The following DCLK3 variants were observed in gnomAD, a reference collection of about 807,000 sequenced individuals.
The protein encoded by DCLK3 is serine/threonine-protein kinase DCLK3.
In DCLK3, 30 loss-of-function variants were observed where a neutral mutation model predicts 46.4. The observed-to-expected ratio is 0.65, with a 90% CI of 0.48 to 0.88. DCLK3 has a LOEUF of 0.88. DCLK3 is among the 40% of genes least tolerant of loss of function. The probability of loss-of-function intolerance (pLI) is 0.00; values close to 1 mark genes in which losing one functional copy is unlikely to be tolerated. For missense variants in DCLK3, 846 were observed against 907.1 expected (o/e 0.93, Z 0.87); for synonymous variants, 401 against 339.2 (o/e 1.18, Z -2.00).
At position 36,738,100 on chromosome 3, in the gene DCLK3, G is replaced by T; in HGVS notation, c.1067C>A (p.Pro356His). The change falls in exon 2 of 5, where the codon CCC becomes CAC. Residue 356 changes from proline (P) to histidine (H), a missense_variant. By Grantham distance (77) the Pro-to-His change is moderately conservative (BLOSUM62 -2). Transcript: ENST00000636136. ...LVRTRSCRRSPEANPASGEEG... is the reference protein window; with the variant it reads ...LVRTRSCRRSHEANPASGEEG... ...CTCCCCACTTGCAGGATTTGCCTCG[G>T]GAGACCTCCTGCAGCTTCTGGTCCT... is the stretch of plus-strand genomic sequence containing the variant. The T allele has an allele frequency of 1.2e-6, 2 of 1,613,590 alleles. No individual in the cohort carries two copies. The highest frequency in any genetic ancestry group is 8.5e-7 in the Non-Finnish European group (1 of 1,179,808).
At chr3:36,746,236 C>A (rs1448023407) in intron 1 of DCLK3, among the ~76,000 whole-genome samples, 1 of 152,214 alleles carries the variant, frequency 6.6e-6, no homozygotes, top group Non-Finnish European at 1.5e-5. Context: ...GCTCAGAACT[C>A]TGTATGGTCT....
intron 1 of DCLK3, among the ~76,000 whole-genome samples, chr3:36,756,952 C>T (rs1003665292): frequency 2.6e-5 from 4 of 151,446 alleles, no homozygotes; most frequent in Non-Finnish European, 2.9e-5. Flanking sequence ...CTCAGAGGCT[C>T]TGCTATGAAA....
intron 2 of DCLK3, among the ~76,000 whole-genome samples, chr3:36,736,732 C>T (rs1405922794): frequency 6.6e-6 from 1 of 152,212 alleles, no homozygotes; most frequent in Non-Finnish European, 1.5e-5. Flanking sequence ...ACAGAGCCAG[C>T]CTCATCGGCA....
intron 2 of DCLK3, among the ~76,000 whole-genome samples, chr3:36,724,197 A>G (rs779676602): frequency 6.6e-5 from 10 of 152,122 alleles, no homozygotes; most frequent in Non-Finnish European, 1.0e-4. Context: ...GTTTTGGCCA[A>G]TTCCTCCCAG....
At chr3:36,722,526 G>C (rs1034359384) in intron 2 of DCLK3, among the ~76,000 whole-genome samples, 3 of 152,118 alleles carry the variant, frequency 2.0e-5, no homozygotes, top group African/African-American at 7.2e-5. Flanking sequence ...ATATGGTTTG[G>C]CTGTGTCCCT....
At chr3:36,726,995 T>A (rs989881676) in intron 2 of DCLK3, among the ~76,000 whole-genome samples, 1 of 152,170 alleles carries the variant, frequency 6.6e-6, no homozygotes, top group African/African-American at 2.4e-5. Context: ...ATAAAAGCAT[T>A]TGGCTGACTG....
At position 36,730,091 on chromosome 3, in the gene DCLK3, A is replaced by C. The variant is rs573100363; in HGVS notation, c.1959+7117T>G. Among the ~76,000 whole-genome samples, 4 of 151,852 alleles carry C rather than the reference A, an allele frequency of 2.6e-5. No individual in the cohort carries two copies. In the South Asian group the frequency reaches 8.3e-4, roughly 32 times the overall value. ...CTACTTGGGAGGCTAAGGTGGGGGG[A>C]GTCTGGAAGGCGGAGGTTGCAGTGA... On this transcript the variant is annotated intron_variant, in intron 2 of 4. Transcript: ENST00000636136.
Position 36,714,753 on chromosome 3 carries a change from G to C in DCLK3, c.*575C>G, listed in dbSNP as rs1349301330. 6.6e-6 allele frequency: 1 copy of C among 152,216 alleles called. No homozygotes were observed. The highest frequency in any genetic ancestry group is 1.9e-4 in the East Asian group (1 of 5,198). 9.4% of individuals were successfully genotyped at this position (152,216 alleles called of 1,614,324 possible). ...GATTTTTGGTAAGACTGAAATGCAAGAGACCAAGATTAGTGCATCCTAAAT... is the reference window on the plus strand; with the variant it reads ...GATTTTTGGTAAGACTGAAATGCAACAGACCAAGATTAGTGCATCCTAAAT... On this transcript the variant is annotated 3_prime_UTR_variant, in exon 5 of 5. Coordinates refer to ENST00000636136, the MANE Select transcript of DCLK3 (RefSeq NM_001394672.2).
intron 1 of DCLK3, among the ~76,000 whole-genome samples, chr3:36,747,945 T>C (rs1242935663): frequency 2.0e-5 from 3 of 152,182 alleles, no homozygotes; most frequent in African/African-American, 7.2e-5. Flanking sequence ...TGCACTGCCA[T>C]AGAATATCTC....
intron 1 of DCLK3, among the ~76,000 whole-genome samples, chr3:36,757,498 A>T (rs2063162): frequency 6.6e-6 from 1 of 152,028 alleles, no homozygotes; most frequent in East Asian, 1.9e-4. Flanking sequence ...AAAAAAAAGT[A>T]TGTGCTTAAT....
intron 2 of DCLK3, among the ~76,000 whole-genome samples, chr3:36,728,192 G>T (rs1701148036): frequency 1.3e-5 from 2 of 152,118 alleles, no homozygotes; most frequent in Non-Finnish European, 2.9e-5. Context: ...TTCTAAATCT[G>T]CCCTCTCCAG....
intron 1 of DCLK3, among the ~76,000 whole-genome samples, chr3:36,746,477 C>T (rs1701394399): frequency 6.6e-6 from 1 of 152,204 alleles, no homozygotes; most frequent in African/African-American, 2.4e-5. Context: ...TAATCCTCAT[C>T]CCTCATCCCT....
intron 2 of DCLK3, among the ~76,000 whole-genome samples, chr3:36,733,445 C>A (rs947264006): frequency 2.0e-5 from 3 of 152,186 alleles, no homozygotes; most frequent in African/African-American, 7.2e-5. Context: ...TCCTGCTCAC[C>A]CAGCTTTCTT....
chr3:36,739,480 G>A (rs1459409594), intron 1 of DCLK3, among the ~76,000 whole-genome samples: 2 of 152,172 alleles, frequency 1.3e-5, no homozygotes, highest in Non-Finnish European at 2.9e-5. Context: ...CCCCCATACT[G>A]TTCCATGGTA....
Position 36,737,689 on chromosome 3 carries a change from T to G in DCLK3, c.1478A>C (p.Glu493Ala). ...RDDQPAKLEK[E>A]PKTRPEENKP... ...GTTCTCTTCTGGCCTCGTCTTGGGC[T>G]CCTTTTCTAGCTTTGCAGGTTGGTC... Residue 493 changes from glutamate to alanine, a missense_variant, in exon 2 of 5, where the codon GAG (glutamate) becomes GCG (alanine). By Grantham distance (107) the Glu-to-Ala change is moderately radical. Coordinates refer to ENST00000636136, the MANE Select transcript of DCLK3 (RefSeq NM_001394672.2). This position sits in a 1 kb window ranked among gnomAD's most constrained non-coding sequence, Gnocchi z 4.4. 1 of 1,613,798 alleles carries G rather than the reference T, an allele frequency of 6.2e-7. No homozygotes were observed. Among genetic ancestry groups the G allele is most frequent in the East Asian group, 2.2e-5 (1 of 44,878 alleles).
In DCLK3 at chr3:36,741,874, G is replaced by T. The variant is rs142626452; in HGVS notation, c.83-2790C>A. 2.2e-3 allele frequency among the ~76,000 whole-genome samples: 342 copies of T among 152,284 alleles called. 2 individuals are homozygous for T. The highest frequency in any genetic ancestry group is 7.5e-3 in the African/African-American group (310 of 41,566). ...AAATAATAGCTCTGAAGCAGACCTG[G>T]GGAGCTAAATTCTGAGCTCTACCTT... On this transcript the variant is annotated intron_variant, in intron 1 of 4. Transcript: ENST00000636136.
In DCLK3 at chr3:36,737,646, G is replaced by A. The variant is rs558396047; in HGVS notation, c.1521C>T (p.Ser507=). The A allele has an allele frequency of 5.3e-5, 86 of 1,613,856 alleles. No homozygotes were observed. Among genetic ancestry groups the A allele is most frequent in the African/African-American group, 6.7e-5 (5 of 75,050 alleles). The part of the protein sequence containing the change: ...RPEENKPERP[S]GRKPRPMGII... ...TGCCCATGGGCCGTGGCTTCCGACC[G>A]CTGGGCCGCTCTGGCTTGTTCTCTT... Residue 507 remains serine, a synonymous_variant, in exon 2 of 5, where the codon AGC becomes AGT. Transcript: ENST00000636136. The surrounding 1 kb of genome is among the most constrained non-coding windows in gnomAD (Gnocchi z 4.4).
intron 1 of DCLK3, among the ~76,000 whole-genome samples, chr3:36,744,478 A>C (rs1399390438): frequency 1.3e-5 from 2 of 152,206 alleles, no homozygotes; most frequent in Admixed American, 6.5e-5. Context: ...AAGAACACTG[A>C]CCATGGGTCA....
rs975491196 is a variant in DCLK3, at chr3:36,714,224, C to T, written c.*1104G>A. ...ATTCTCTAGTACTATTCCGGTTTTC[C>T]TAACTAACACACGCCTCCGCCCAGA... On this transcript the variant is annotated 3_prime_UTR_variant, in exon 5 of 5. Transcript: ENST00000636136. 3 of 152,180 alleles carry T rather than the reference C, an allele frequency of 2.0e-5. No homozygotes were observed. Among genetic ancestry groups the T allele is most frequent in the Non-Finnish European group, 4.4e-5 (3 of 68,052 alleles). 9.4% of individuals were successfully genotyped at this position (152,180 alleles called of 1,614,324 possible).
Sources: gnomAD v4.1 joint callset for allele counts (sites outside exome capture counted in the v4.1 genomes callset) on GRCh38, gnomAD v4.1.1 for gene constraint, Gnocchi (gnomAD v3.1) non-coding constraint, MANE v1.5 for transcripts, NCBI Gene and HGNC (gene_info 2026-07-23, HGNC 2026-07-21) for gene names.